Variants in ACSS3 observed in about 807,000 individuals in gnomAD.
ACSS3 encodes acyl-CoA synthetase short-chain family member 3, mitochondrial.
In ACSS3, 64 loss-of-function variants were observed where a neutral mutation model predicts 84.2. That is an observed-to-expected ratio of 0.76 (90% CI 0.62 to 0.94). The LOEUF (loss-of-function observed/expected upper bound fraction) is 0.94. Among genes scored for constraint, ACSS3 ranks in the 40% least tolerant of loss-of-function variants. The pLI is 0.00. For synonymous variants in ACSS3, 317 were observed against 310.1 expected, an observed-to-expected ratio of 1.02 and a Z score of -0.23; for missense variants, 815 against 867.6, an observed-to-expected ratio of 0.94 and a Z score of 0.76.
intron 8 of ACSS3, among the ~76,000 whole-genome samples, chr12:81,180,672 C>T (rs558434055): frequency 2.6e-5 from 4 of 152,044 alleles, no homozygotes; most frequent in South Asian, 2.1e-4. Flanking sequence ...CCTGCCACCA[C>T]GCCTGGCTAA....
intron 1 of ACSS3, among the ~76,000 whole-genome samples, 182 bp from the exon 2 acceptor site, chr12:81,109,377 AT>A (rs1883374445): frequency 6.6e-6 from 1 of 152,206 alleles, no homozygotes; most frequent in African/African-American, 2.4e-5. Flanking sequence ...GCTTATTAAA[AT>A]AAAAAAGTAT....
At chr12:81,225,075 T>A (rs1490283303) in intron 11 of ACSS3, among the ~76,000 whole-genome samples, 1 of 151,830 alleles carries the variant, frequency 6.6e-6, no homozygotes, top group Non-Finnish European at 1.5e-5. Context: ...TTATTATATG[T>A]AGGGTTCAGT....
intron 9 of ACSS3, among the ~76,000 whole-genome samples, chr12:81,208,114 C>T (rs1162775616): frequency 6.6e-6 from 1 of 152,144 alleles, no homozygotes; most frequent in Non-Finnish European, 1.5e-5. Flanking sequence ...TTATAGTTCA[C>T]TGTAAAGATT....
intron 11 of ACSS3, among the ~76,000 whole-genome samples, chr12:81,229,423 C>A (rs776153552): frequency 6.6e-6 from 1 of 151,760 alleles, no homozygotes; most frequent in Non-Finnish European, 1.5e-5. Flanking sequence ...GAAAGTGCTG[C>A]TAAGTTGATT....
intron 5 of ACSS3, among the ~76,000 whole-genome samples, chr12:81,145,462 T>G: frequency 6.6e-6 from 1 of 152,082 alleles, no homozygotes; most frequent in South Asian, 2.1e-4. Context: ...TCTAGTCTAG[T>G]GAGATTGAAC....
At chr12:81,176,203 A>T (rs570244548) in intron 8 of ACSS3, among the ~76,000 whole-genome samples, 13 of 152,218 alleles carry the variant, frequency 8.5e-5, no homozygotes, top group Non-Finnish European at 1.9e-4. Context: ...AAATCCTGAG[A>T]CAATTACAAA....
intron 7 of ACSS3, chr12:81,174,542 C>T: frequency 2.9e-6 from 1 of 339,144 alleles, no homozygotes; most frequent in Non-Finnish European, 5.3e-6. Flanking sequence ...CTTTATTTTT[C>T]AAAACTTGAT....
chr12:81,146,390 A>C (rs1761706595), intron 5 of ACSS3, among the ~76,000 whole-genome samples: 1 of 152,164 alleles, frequency 6.6e-6, no homozygotes, highest in African/African-American at 2.4e-5. Context: ...GCATTAATGG[A>C]GCATTTAGAT....
chr12:81,242,744 C>G (rs1414290555), intron 13 of ACSS3, among the ~76,000 whole-genome samples: 1 of 138,032 alleles, frequency 7.2e-6, no homozygotes. Context: ...ATAAACAGAA[C>G]CAAAGACAAA....
chr12:81,094,364 C>T (rs1217017365), intron 1 of ACSS3: 3 of 152,198 alleles, frequency 2.0e-5, no homozygotes, highest in Non-Finnish European at 2.9e-5. Context: ...GGACACTCAA[C>T]ACTGAATTCT....
chr12:81,253,758 A>C (rs1387256862), intron 15 of ACSS3, 88 bp downstream of exon 15: 6 of 1,349,498 alleles, frequency 4.4e-6, no homozygotes, highest in Non-Finnish European at 6.1e-6. Flanking sequence ...AATGGTTCTC[A>C]AATGTGAATT....
intron 3 of ACSS3, among the ~76,000 whole-genome samples, chr12:81,137,350 CA>C (rs1885860909): frequency 6.6e-6 from 1 of 151,646 alleles, no homozygotes; most frequent in Non-Finnish European, 1.5e-5. Flanking sequence ...CACACACACA[CA>C]CACACACACA....
intron 1 of ACSS3, among the ~76,000 whole-genome samples, chr12:81,082,576 T>A (rs1447197290): frequency 1.3e-5 from 2 of 152,258 alleles, no homozygotes; most frequent in Non-Finnish European, 1.5e-5. Context: ...AAAGAAGGTT[T>A]ACTCGGTTGG....
chr12:81,101,620 A>G (rs1376322739), intron 1 of ACSS3, among the ~76,000 whole-genome samples: 3 of 152,064 alleles, frequency 2.0e-5, no homozygotes. Context: ...TCCTTTAACG[A>G]TGCATAATAT....
At chr12:81,138,269 G>T (rs536152679) in intron 3 of ACSS3, among the ~76,000 whole-genome samples, 3 of 152,218 alleles carry the variant, frequency 2.0e-5, no homozygotes, top group African/African-American at 4.8e-5. Flanking sequence ...TTCCGCAAAC[G>T]TTTACTGAAA....
chr12:81,174,149 C>T (rs1665413451), intron 7 of ACSS3, among the ~76,000 whole-genome samples: 1 of 152,130 alleles, frequency 6.6e-6, no homozygotes, highest in Non-Finnish European at 1.5e-5. Flanking sequence ...GAAACATCAA[C>T]TAAACCTTTC....
chr12:81,174,467 G>GT (rs953609910), intron 7 of ACSS3: 71 of 188,018 alleles, frequency 3.8e-4, no homozygotes, highest in Middle Eastern at 4.0e-3. Context: ...ACCATATATA[G>GT]TTTTTTTTGG....
rs1370588787 is a variant in ACSS3, at chr12:81,257,084, A to G, written c.*2162A>G. The G allele has an allele frequency of 6.6e-6, 1 of 152,126 alleles. No individual in the cohort carries two copies. The highest frequency in any genetic ancestry group is 1.9e-4 in the East Asian group (1 of 5,188). 9.4% of individuals were successfully genotyped at this position (152,126 alleles called of 1,614,324 possible). On this transcript the variant is annotated 3_prime_UTR_variant, in exon 16 of 16. Coordinates refer to ENST00000548058, the MANE Select transcript of ACSS3 (RefSeq NM_024560.4). ...TTGTTCATTTGCAAGGTTTAAGCTCAGGCAGATCCAATAATTAGGTAAAGG... is the reference window on the plus strand; with the variant it reads ...TTGTTCATTTGCAAGGTTTAAGCTCGGGCAGATCCAATAATTAGGTAAAGG...
At chr12:81,141,965 G>A (rs143302761) in intron 4 of ACSS3, among the ~76,000 whole-genome samples, 65 of 152,208 alleles carry the variant, frequency 4.3e-4, no homozygotes, top group Non-Finnish European at 7.8e-4. Flanking sequence ...TATTCATACA[G>A]GTATCATATT....
Sources: gnomAD v4.1 joint callset for allele counts (sites outside exome capture counted in the v4.1 genomes callset) on GRCh38, gnomAD v4.1.1 for gene constraint, MANE v1.5 for transcripts, NCBI Gene and HGNC (gene_info 2026-07-23, HGNC 2026-07-21) for gene names.